RAP1GAP2: variants seen among roughly 807,000 people sequenced by gnomAD.
RAP1GAP2 encodes the protein RAP1 GTPase activating protein 2, also known as rap1 GTPase-activating protein 2.
In RAP1GAP2, 27 loss-of-function variants were observed where a neutral mutation model predicts 95.0. That is an observed-to-expected ratio of 0.28 (90% CI 0.21 to 0.39). The LOEUF (loss-of-function observed/expected upper bound fraction) is 0.39. Among genes scored for constraint, RAP1GAP2 ranks in the 10% least tolerant of loss-of-function variants. RAP1GAP2 has a pLI of 1.00. For missense variants in RAP1GAP2, 771 were observed against 970.0 expected, an observed-to-expected ratio of 0.79 and a Z score of 2.72; for synonymous variants, 373 against 380.9, an observed-to-expected ratio of 0.98 and a Z score of 0.24.
Position 2,796,840 on chromosome 17 carries a change from G to T in RAP1GAP2, c.44+269G>T, listed in dbSNP as rs1376813075. 1.3e-5 allele frequency among the ~76,000 whole-genome samples: 2 copies of T among 151,284 alleles called. No homozygotes were observed. On this transcript the variant is annotated intron_variant, in intron 1 of 24. Transcript: ENST00000254695. This position sits in a 1 kb window ranked among gnomAD's most constrained non-coding sequence, Gnocchi z 4.7. ...GGAGGTGGATAGCATGAGTGTGACT[G>T]CAGTTGAATGTGTGTGTCTCTGTGT... is the stretch of plus-strand genomic sequence containing the variant.
intron 14 of RAP1GAP2, among the ~76,000 whole-genome samples, chr17:3,002,309 G>A (rs1329254781): frequency 1.3e-5 from 2 of 152,194 alleles, no homozygotes; most frequent in African/African-American, 2.4e-5. Flanking sequence ...GTCCTCAGAG[G>A]GGTGATGAGA....
In RAP1GAP2 at chr17:2,845,884, A is replaced by G. The variant is rs1305931650; in HGVS notation, c.80+45334A>G. Among the ~76,000 whole-genome samples the G allele has an allele frequency of 3.5e-5, 5 of 141,178 alleles. No individual in the cohort carries two copies. In the Admixed American group the frequency reaches 3.6e-4, roughly 10 times the overall value. 92.6% of individuals were successfully genotyped at this position (141,178 alleles called of 152,430 possible). On this transcript the variant is annotated intron_variant, in intron 2 of 24. Transcript: ENST00000254695. Reference sequence around the variant, plus strand: ...TTAAAATAAATAAATAAAATAAAATAAAATAAAATTTCTTATCAGCCGGGT... The same window carrying G: ...TTAAAATAAATAAATAAAATAAAATGAAATAAAATTTCTTATCAGCCGGGT...
At chr17:2,778,785 A>G (rs11651100) in intron 1 of RAP1GAP2, among the ~76,000 whole-genome samples, 33,464 of 152,072 alleles carry the variant, frequency 0.22, 3,736 homozygotes, top group South Asian at 0.37. Context: ...AAGCAATCTC[A>G]GGAAACAAGG....
intron 1 of RAP1GAP2, among the ~76,000 whole-genome samples, chr17:2,766,591 CAGAG>C (rs1406918424): frequency 6.6e-6 from 1 of 151,448 alleles, no homozygotes; most frequent in Non-Finnish European, 1.5e-5. Flanking sequence ...GCTCAGGTGA[CAGAG>C]AAAGACTCCG....
chr17:2,886,851 C>T (rs934351768), intron 2 of RAP1GAP2, among the ~76,000 whole-genome samples: 2 of 152,178 alleles, frequency 1.3e-5, no homozygotes, highest in Non-Finnish European at 2.9e-5. Flanking sequence ...GGGATTGCCC[C>T]TCCGGGTCCC....
chr17:2,776,133 C>G (rs1445544552), upstream of RAP1GAP2, among the ~76,000 whole-genome samples: 1 of 152,084 alleles, frequency 6.6e-6, no homozygotes, highest in Non-Finnish European at 1.5e-5. Flanking sequence ...GAGCCGAGAT[C>G]GCGCCACTGC....
chr17:3,027,773 A>C lies in RAP1GAP2; in HGVS notation c.2107+703A>C, dbSNP rs1450117715. ...ATGGATTAGTAGAGAGCAGGAGCAG[A>C]GGGGAGGGATGGAGGGGAGGGGAGA... On this transcript the variant is annotated intron_variant, in intron 22 of 24. Coordinates refer to ENST00000254695, the MANE Select transcript of RAP1GAP2 (RefSeq NM_015085.5). This position sits in a 1 kb window ranked among gnomAD's most constrained non-coding sequence, Gnocchi z 5.2. 3.4e-5 allele frequency among the ~76,000 whole-genome samples: 1 copy of C among 29,714 alleles called. No homozygotes were observed. The highest frequency in any genetic ancestry group is 6.4e-5 in the Non-Finnish European group (1 of 15,562). The allele number at this position is 29,714 out of a possible 152,430, so 19.5% of individuals were successfully genotyped here.
chr17:2,993,662 G>A lies in RAP1GAP2; in HGVS notation c.915-1675G>A, dbSNP rs180957947. ...GTGCTGTTCAGGGCTAGCTAGTCAC[G>A]ATTGTTATTGTTCTTATATTGCCAC... On this transcript the variant is annotated intron_variant, in intron 12 of 24. Coordinates refer to ENST00000254695, the MANE Select transcript of RAP1GAP2 (RefSeq NM_015085.5). Among the ~76,000 whole-genome samples the A allele has an allele frequency of 2.4e-3, 365 of 152,164 alleles. 2 individuals are homozygous for A. Among genetic ancestry groups the A allele is most frequent in the African/African-American group, 7.9e-3 (330 of 41,522 alleles).
intron 10 of RAP1GAP2, among the ~76,000 whole-genome samples, chr17:2,984,316 C>G (rs1476619687): frequency 1.3e-5 from 2 of 152,032 alleles, no homozygotes; most frequent in Admixed American, 6.6e-5. Flanking sequence ...CCATTGCACT[C>G]CAGCCTGGGT....
At chr17:2,760,659 T>A (rs940384179) in intron 1 of RAP1GAP2, among the ~76,000 whole-genome samples, 7 of 151,636 alleles carry the variant, frequency 4.6e-5, no homozygotes, top group East Asian at 2.0e-4. Context: ...CTTTTTTTTT[T>A]ACTTACGGTA....
intron 18 of RAP1GAP2, 25 bp downstream of exon 18, chr17:3,018,223 G>A (rs1453353222): frequency 1.4e-5 from 21 of 1,540,970 alleles, no homozygotes; most frequent in East Asian, 5.0e-5. Context: ...GCCCCGGGGC[G>A]GCAAGTGGGT....
intron 3 of RAP1GAP2, among the ~76,000 whole-genome samples, chr17:2,949,366 C>T (rs904529746): frequency 2.0e-5 from 3 of 152,360 alleles, no homozygotes; most frequent in African/African-American, 4.8e-5. Flanking sequence ...CCGGGCAGGA[C>T]GTTAGTCTCT....
intron 8 of RAP1GAP2, among the ~76,000 whole-genome samples, chr17:2,972,404 T>G (rs2151513324): frequency 6.6e-6 from 1 of 151,918 alleles, no homozygotes; most frequent in Admixed American, 6.6e-5. Flanking sequence ...CCAAGGCGAG[T>G]GGATCACCTG....
upstream of RAP1GAP2, among the ~76,000 whole-genome samples, chr17:2,773,998 T>G (rs748967748): frequency 6.6e-6 from 1 of 152,138 alleles, no homozygotes; most frequent in Non-Finnish European, 1.5e-5. Flanking sequence ...CCTCAGGTGA[T>G]CTGCCTGCCT....
chr17:2,896,799 C>T (rs1305653298), intron 2 of RAP1GAP2, among the ~76,000 whole-genome samples: 3 of 152,216 alleles, frequency 2.0e-5, no homozygotes, highest in Non-Finnish European at 2.9e-5. Context: ...TCATCTAATG[C>T]ACCTGGAGGG....
intron 11 of RAP1GAP2, among the ~76,000 whole-genome samples, chr17:2,986,041 A>G (rs1319266954): frequency 1.3e-5 from 2 of 152,060 alleles, no homozygotes; most frequent in African/African-American, 4.8e-5. Flanking sequence ...CTTCATATAA[A>G]TACACTCCAC....
At chr17:2,864,078 C>T (rs1258208678) in intron 2 of RAP1GAP2, among the ~76,000 whole-genome samples, 4 of 84,024 alleles carry the variant, frequency 4.8e-5, no homozygotes, top group Admixed American at 1.1e-4. Context: ...ACAGTGGCGG[C>T]GGGAGCCCCC....
chr17:2,816,982 C>CTTT (rs148255771), intron 2 of RAP1GAP2, among the ~76,000 whole-genome samples: 8 of 48,660 alleles, frequency 1.6e-4, no homozygotes, highest in East Asian at 3.9e-4. Flanking sequence ...TCAGAATTTC[C>CTTT]TTTTTTTTTT....
chr17:2,992,046 G>T (rs547180705), intron 12 of RAP1GAP2, among the ~76,000 whole-genome samples: 1 of 152,154 alleles, frequency 6.6e-6, no homozygotes. Flanking sequence ...GATTACCGGC[G>T]TGAGCCGCCG....
Sources: allele counts gnomAD v4.1 joint callset (sites outside exome capture counted in the v4.1 genomes callset), GRCh38; gene constraint gnomAD v4.1.1; non-coding constraint Gnocchi (gnomAD v3.1); transcripts MANE v1.5; gene names NCBI Gene and HGNC (gene_info 2026-07-23, HGNC 2026-07-21).